The following GRIP1 variants were observed in gnomAD, a reference collection of about 807,000 sequenced individuals.
The protein encoded by GRIP1 is glutamate receptor-interacting protein 1.
A neutral mutation model predicts 129.9 loss-of-function variants in GRIP1; 45 were observed. That is an observed-to-expected ratio of 0.35 (90% CI 0.27 to 0.44). The LOEUF (loss-of-function observed/expected upper bound fraction) is 0.44. Ranked by LOEUF, GRIP1 falls within the 20% of genes least tolerant of loss-of-function variation. The pLI is 1.00. For missense variants in GRIP1, 1,196 were observed against 1,396.8 expected (o/e 0.86, Z 2.29); for synonymous variants, 530 against 520.8 (o/e 1.02, Z -0.24).
chr12:66,998,766 C>T (rs1391549123), intron 1 of GRIP1, among the ~76,000 whole-genome samples: 2 of 152,164 alleles, frequency 1.3e-5, no homozygotes, highest in Non-Finnish European at 1.5e-5. Flanking sequence ...ACCTTTTTAG[C>T]TGCCCTGGCT....
chr12:66,767,138 T>C (rs2037665262), intron 1 of GRIP1, among the ~76,000 whole-genome samples: 1 of 152,212 alleles, frequency 6.6e-6, no homozygotes. Flanking sequence ...GCTTTAAATA[T>C]CAGAAAGCCA....
At chr12:66,912,204 C>T (rs1213618204) in intron 1 of GRIP1, among the ~76,000 whole-genome samples, 3 of 151,940 alleles carry the variant, frequency 2.0e-5, no homozygotes, top group African/African-American at 4.8e-5. Context: ...TATTACAAAG[C>T]TATTACTGGA....
At chr12:66,967,137 C>T (rs2042009468) in intron 1 of GRIP1, among the ~76,000 whole-genome samples, 1 of 152,080 alleles carries the variant, frequency 6.6e-6, no homozygotes, top group Admixed American at 6.6e-5. Context: ...GCATTGCTTT[C>T]CTTGCATCCC....
chr12:66,761,638 G>C (rs376979323), intron 1 of GRIP1, among the ~76,000 whole-genome samples: 11 of 152,160 alleles, frequency 7.2e-5, no homozygotes, highest in African/African-American at 2.7e-4. Context: ...CTCAAGGACA[G>C]GTATTTCATA....
chr12:66,751,291 A>T (rs1419757545), intron 1 of GRIP1, among the ~76,000 whole-genome samples: 1 of 152,182 alleles, frequency 6.6e-6, no homozygotes, highest in African/African-American at 2.4e-5. Context: ...TAGGAAAACT[A>T]AGACAGATAG....
At chr12:66,939,827 T>C (rs1455861665) in intron 1 of GRIP1, among the ~76,000 whole-genome samples, 1 of 152,182 alleles carries the variant, frequency 6.6e-6, no homozygotes, top group Non-Finnish European at 1.5e-5. Context: ...ACTTCAAATA[T>C]ACCAGTATAC....
intron 4 of GRIP1, among the ~76,000 whole-genome samples, chr12:66,535,604 C>G (rs1171080666): frequency 6.6e-6 from 1 of 152,184 alleles, no homozygotes; most frequent in Non-Finnish European, 1.5e-5. Context: ...TGCCATGTAA[C>G]TGCTGACACA....
intron 1 of GRIP1, among the ~76,000 whole-genome samples, chr12:66,917,537 T>C (rs2041144142): frequency 6.6e-6 from 1 of 152,234 alleles, no homozygotes; most frequent in South Asian, 2.1e-4. Context: ...ATATTATAAT[T>C]TGTGTATGAC....
chr12:67,045,850 T>C (rs564272354), intron 1 of GRIP1, among the ~76,000 whole-genome samples: 1 of 152,234 alleles, frequency 6.6e-6, no homozygotes, highest in East Asian at 1.9e-4. Context: ...CTGTCAACAC[T>C]TCAACCACAT....
At chr12:66,744,418 C>T (rs1331719136) in intron 1 of GRIP1, among the ~76,000 whole-genome samples, 1 of 152,086 alleles carries the variant, frequency 6.6e-6, no homozygotes, top group East Asian at 1.9e-4. Context: ...CCTATATGTC[C>T]TACACAGATA....
intron 1 of GRIP1, among the ~76,000 whole-genome samples, chr12:66,932,983 T>TAA (rs1370978640): frequency 6.6e-6 from 1 of 152,206 alleles, no homozygotes; most frequent in Admixed American, 6.5e-5. Flanking sequence ...CAGTGTATTT[T>TAA]AATGGCAATG....
rs576658883 is a variant in GRIP1, at chr12:66,454,265, A to G, written c.1354+1144T>C. ...TGGGGAGATGAATCTCTTGCAAACA[A>G]GCTGAAAAGCCAGTAAGTCCATAAC... On this transcript the variant is annotated intron_variant, in intron 11 of 24. Coordinates refer to ENST00000359742, the MANE Select transcript of GRIP1 (RefSeq NM_001366722.1). Among the ~76,000 whole-genome samples the G allele has an allele frequency of 1.7e-4, 26 of 152,356 alleles. 1 individual carries two copies. The highest frequency in any genetic ancestry group is 6.3e-4 in the African/African-American group (26 of 41,572).
chr12:66,702,024 G>A (rs879373674), intron 1 of GRIP1, among the ~76,000 whole-genome samples: 3 of 152,120 alleles, frequency 2.0e-5, no homozygotes, highest in Non-Finnish European at 4.4e-5. Flanking sequence ...CACAGAGCTG[G>A]TCATGCAACA....
At chr12:66,541,235 T>A (rs778934855) in intron 3 of GRIP1, among the ~76,000 whole-genome samples, 1 of 152,190 alleles carries the variant, frequency 6.6e-6, no homozygotes, top group East Asian at 1.9e-4. Flanking sequence ...CAATAACTAG[T>A]GGAATTTGCA....
At chr12:66,754,443 T>C (rs764922321) in intron 1 of GRIP1, among the ~76,000 whole-genome samples, 1 of 152,174 alleles carries the variant, frequency 6.6e-6, no homozygotes, top group Non-Finnish European at 1.5e-5. Flanking sequence ...AGCACACGTG[T>C]ACATCCACAC....
intron 1 of GRIP1, among the ~76,000 whole-genome samples, chr12:66,959,164 G>A (rs895953729): frequency 6.6e-6 from 1 of 151,922 alleles, no homozygotes. Flanking sequence ...TTAACTCTTT[G>A]CCTGTTATAT....
intron 2 of GRIP1, among the ~76,000 whole-genome samples, chr12:66,559,441 A>G (rs1164432521): frequency 6.6e-6 from 1 of 152,102 alleles, no homozygotes. Context: ...AACCCTTAAG[A>G]CTCCACCAAA....
chr12:66,447,135 G>A (rs73317218), intron 11 of GRIP1, among the ~76,000 whole-genome samples: 11,840 of 152,254 alleles, frequency 0.078, 1,257 homozygotes, highest in African/African-American at 0.23. Flanking sequence ...GATCTGGTAA[G>A]TGCAGGTGGA....
In GRIP1 at chr12:66,910,828, T is replaced by C. The variant is rs143994938; in HGVS notation, c.58+158222A>G. Among the ~76,000 whole-genome samples the C allele has an allele frequency of 3.8e-3, 583 of 152,242 alleles. 4 individuals carry two copies. Among genetic ancestry groups the C allele is most frequent in the African/African-American group, 0.012 (482 of 41,552 alleles). On this transcript the variant is annotated intron_variant, in intron 1 of 1. Coordinates refer to the GRIP1 transcript ENST00000643019. ...GTGCTTCAAGGACTCAGAGGGTACG[T>C]CCCTAGGCCATAGAATTCCACTTAA...
Sources: allele counts gnomAD v4.1 joint callset (sites outside exome capture counted in the v4.1 genomes callset), GRCh38; gene constraint gnomAD v4.1.1; transcripts MANE v1.5; gene names NCBI Gene and HGNC (gene_info 2026-07-23, HGNC 2026-07-21).